Variants in NES observed in about 807,000 individuals in gnomAD.
The protein encoded by NES is nestin.
A neutral mutation model predicts 35.6 loss-of-function variants in NES; 27 were observed. The observed-to-expected ratio is 0.76, with a 90% CI of 0.56 to 1.04. The LOEUF (loss-of-function observed/expected upper bound fraction) is 1.04, where lower values mean the gene tolerates loss of function less well. Ranked by LOEUF, NES falls within the 50% of genes least tolerant of loss-of-function variation. The probability of loss-of-function intolerance (pLI) is 0.00; values close to 1 mark genes in which losing one functional copy is unlikely to be tolerated. For synonymous variants in NES, 822 were observed against 824.2 expected, an observed-to-expected ratio of 1.00 and a Z score of 0.04; for missense variants, 1,867 against 1,983.6, an observed-to-expected ratio of 0.94 and a Z score of 1.12.
At position 156,669,647 on chromosome 1, in the gene NES, G is replaced by C; in HGVS notation, c.4541C>G (p.Pro1514Arg). Residue 1514 changes from proline to arginine, a missense_variant, in exon 4 of 4, where the codon CCT becomes CGT. Transcript: ENST00000368223. ...CCCACTGGGGATCTCTAGAGGGCCA[G>C]GGACTTTGTCCTCCCTCTCCAAGGA... ...PVSLEREDKV[P>R]GPLEIPSGME... 2 of 1,614,096 alleles carry C rather than the reference G, an allele frequency of 1.2e-6. No homozygotes were observed. Among genetic ancestry groups the C allele is most frequent in the Non-Finnish European group, 1.7e-6 (2 of 1,179,994 alleles).
At chr1:156,675,411 C>T (rs1044036443) in intron 1 of NES, 71 bp from the exon 2 acceptor site, 7 of 1,500,790 alleles carry the variant, frequency 4.7e-6, no homozygotes, top group South Asian at 3.9e-5. Context: ...GCCTCCTGCC[C>T]GCTGCCGCTG....
chr1:156,675,823 C>T (rs999686978), intron 1 of NES, among the ~76,000 whole-genome samples: 2 of 152,164 alleles, frequency 1.3e-5, no homozygotes, highest in African/African-American at 2.4e-5. Flanking sequence ...AGGCTCTCAC[C>T]CCCGCCCCAC....
At position 156,671,659 on chromosome 1, in the gene NES, T is replaced by C. The variant is rs1282999267; in HGVS notation, c.2529A>G (p.Pro843=). 3.1e-6 allele frequency: 5 copies of C among 1,613,748 alleles called. No homozygotes were observed. Among genetic ancestry groups the C allele is most frequent in the Non-Finnish European group, 4.2e-6 (5 of 1,179,936 alleles). ...GQENLETLKS[P]ETQAPLWTPE... is the part of the protein sequence containing the mutation. ...GAGTCCACAGTGGTGCTTGAGTTTC[T>C]GGAGATTTCAGTGTTTCCAGGTTCT... is the stretch of plus-strand genomic sequence containing the variant. Residue 843 remains proline (P), a synonymous_variant, in exon 4 of 4, where the codon CCA becomes CCG. Transcript: ENST00000368223.
At chr1:156,673,809 A>C (rs1679787213) in intron 2 of NES, among the ~76,000 whole-genome samples, 1 of 150,338 alleles carries the variant, frequency 6.7e-6, no homozygotes. Flanking sequence ...TGCCCTACAC[A>C]CACCCACACA....
chr1:156,672,438 C>T lies in NES; in HGVS notation c.1750G>A (p.Glu584Lys). 1.9e-6 allele frequency: 3 copies of T among 1,611,628 alleles called. No homozygotes were observed. Among genetic ancestry groups the T allele is most frequent in the Non-Finnish European group, 2.5e-6 (3 of 1,179,506 alleles). The change falls in exon 4 of 4, where the codon GAA becomes AAA. Residue 584 changes from glutamate to lysine, a missense_variant. Transcript: ENST00000368223. ...TCCTTTTCTAGACTTTTTAGTGTTTCTAAGTCTTCTTCTAAAGACCTCGGA... is the reference window on the plus strand; with the variant it reads ...TCCTTTTCTAGACTTTTTAGTGTTTTTAAGTCTTCTTCTAAAGACCTCGGA... ...ECPRSLEEDL[E>K]TLKSLEKENK...
rs766102930 is a variant in NES, at chr1:156,671,746, G to A, written c.2442C>T (p.Ser814=). ...TTTCTAAAGATTTTACTGCCTCTACGCTCTCTTCTTTGAGTGACTTTAAGA... is the reference window on the plus strand; with the variant it reads ...TTTCTAAAGATTTTACTGCCTCTACACTCTCTTCTTTGAGTGACTTTAAGA... ...QEFLKSLKEE[S]VEAVKSLETE... The change falls in exon 4 of 4, where the codon AGC becomes AGT. Residue 814 remains serine (S), a synonymous_variant. Transcript: ENST00000368223. 15 of 1,613,932 alleles carry A rather than the reference G, an allele frequency of 9.3e-6. No homozygotes were observed. In the South Asian group the frequency reaches 1.3e-4, roughly 14 times the overall value.
chr1:156,675,810 A>C (rs1647269128), intron 1 of NES, among the ~76,000 whole-genome samples: 1 of 151,734 alleles, frequency 6.6e-6, no homozygotes, highest in South Asian at 2.1e-4. Context: ...TGCTCCTCAC[A>C]GCAGGCTCTC....
At position 156,671,628 on chromosome 1, in the gene NES, C is replaced by A; in HGVS notation, c.2560G>T (p.Glu854Ter). ...ETQAPLWTPEEINQGAMNPLE... is the reference protein window; with the variant it reads ...ETQAPLWTPE Reference sequence around the variant, plus strand: ...GGATTCATTGCCCCCTGATTTATTTCTTCTGGAGTCCACAGTGGTGCTTGA... The same window carrying A: ...GGATTCATTGCCCCCTGATTTATTTATTCTGGAGTCCACAGTGGTGCTTGA... Residue 854 changes from glutamate to a stop codon, truncating the protein, a stop_gained, in exon 4 of 4, where the codon GAA (glutamate) becomes TAA (stop). Coordinates refer to ENST00000368223, the MANE Select transcript of NES (RefSeq NM_006617.2). LOFTEE classifies it low-confidence loss of function (END_TRUNC). 1 of 1,614,002 alleles carries A rather than the reference C, an allele frequency of 6.2e-7. No individual in the cohort carries two copies. The highest frequency in any genetic ancestry group is 8.5e-7 in the Non-Finnish European group (1 of 1,180,034).
rs532804816 is a variant in NES, at chr1:156,675,424, C to T, written c.784-84G>A. 88 of 1,458,748 alleles carry T rather than the reference C, an allele frequency of 6.0e-5. 1 individual carries two copies. The South Asian group carries it at 7.4e-4, about 12-fold the overall frequency. The allele number at this position is 1,458,748 out of a possible 1,614,324, so 90.4% of individuals were successfully genotyped here. On this transcript the variant is annotated intron_variant, in intron 1 of 3. Transcript: ENST00000368223. ...CTGCCTCCTGCCCGCTGCCGCTGCCCGGGAAGCACCTCCTGCTCCCTGGCT... is the reference window on the plus strand; with the variant it reads ...CTGCCTCCTGCCCGCTGCCGCTGCCTGGGAAGCACCTCCTGCTCCCTGGCT...
At position 156,676,580 on chromosome 1, in the gene NES, G is replaced by A. The variant is rs1269823644; in HGVS notation, c.685C>T (p.Gln229Ter). The change falls in exon 1 of 4, where the codon CAG becomes TAG. Residue 229 changes from glutamine (Q) to a stop codon, truncating the protein, a stop_gained. Coordinates refer to ENST00000368223, the MANE Select transcript of NES (RefSeq NM_006617.2). LOFTEE classifies it high-confidence loss of function. This position sits in a 1 kb window ranked among gnomAD's most constrained non-coding sequence, Gnocchi z 5.3. The part of the protein sequence containing the change: ...REGRLELQQL[Q>*]AERGGLLERR... ...TCCAGGAGGCCTCCGCGCTCAGCCTGGAGCTGCTGCAGCTCCAGGCGGCCC... is the reference window on the plus strand; with the variant it reads ...TCCAGGAGGCCTCCGCGCTCAGCCTAGAGCTGCTGCAGCTCCAGGCGGCCC... 1.3e-6 allele frequency: 2 copies of A among 1,584,724 alleles called. No homozygotes were observed. The highest frequency in any genetic ancestry group is 3.4e-5 in the Admixed American group (2 of 58,380).
chr1:156,675,077 A>C (rs1647229010), intron 2 of NES, 139 bp downstream of exon 2: 2 of 1,095,740 alleles, frequency 1.8e-6, no homozygotes, highest in South Asian at 3.3e-5. Flanking sequence ...CCGGTGTGGA[A>C]GTGACCAGCC....
rs1647321139 is a variant in NES at position 156,677,030 on chromosome 1, C to T, written c.235G>A (p.Val79Met). The change falls in exon 1 of 4, where the codon GTG becomes ATG. Residue 79 changes from valine (V) to methionine (M), a missense_variant. Coordinates refer to ENST00000368223, the MANE Select transcript of NES (RefSeq NM_006617.2). This position sits in a 1 kb window ranked among gnomAD's most constrained non-coding sequence, Gnocchi z 4.5. ...TCTTCAGCCAGGTTGTCGCGCGCCA[C>T]CTCGGCCGCGTGCTTCTCCCGCCAG... ...QRWREKHAAE[V>M]ARDNLAEELE... 1 of 1,583,784 alleles carries T rather than the reference C, an allele frequency of 6.3e-7. No individual in the cohort carries two copies. The highest frequency in any genetic ancestry group is 8.6e-7 in the Non-Finnish European group (1 of 1,168,624).
At chr1:156,674,376 C>G (rs1217119948) in intron 2 of NES, among the ~76,000 whole-genome samples, 2 of 152,220 alleles carry the variant, frequency 1.3e-5, no homozygotes, top group African/African-American at 4.8e-5. Flanking sequence ...AGTGCTGCGG[C>G]CTTCCTTCTG....
chr1:156,669,250 G>A lies in NES; in HGVS notation c.*72C>T. ...AAGTTAAGAGTGCTGCTCCTGAGCA[G>A]GGAGCGGGCTTGGAGGCGTCCTTCC... On this transcript the variant is annotated 3_prime_UTR_variant, in exon 4 of 4. Transcript: ENST00000368223. 9.8e-7 allele frequency: 1 copy of A among 1,024,892 alleles called. No homozygotes were observed. The highest frequency in any genetic ancestry group is 1.7e-5 in the South Asian group (1 of 57,774). The allele number at this position is 1,024,892 out of a possible 1,614,324, so 63.5% of individuals were successfully genotyped here.
intron 1 of NES, among the ~76,000 whole-genome samples, chr1:156,675,928 T>C (rs1274007668): frequency 2.0e-5 from 3 of 152,202 alleles, no homozygotes; most frequent in Admixed American, 1.3e-4. Flanking sequence ...AAGAAGCTGT[T>C]TTCTCAGCTG....
In NES at chr1:156,673,075, A is replaced by C. The variant is rs762314657; in HGVS notation, c.1113T>G (p.Phe371Leu). 5.6e-6 allele frequency: 9 copies of C among 1,607,426 alleles called. No homozygotes were observed. The highest frequency in any genetic ancestry group is 3.3e-5 in the South Asian group (3 of 90,520). ...CCTGGAGGAATTCTTGGTTCTTAAG[A>C]AAGGCTGGCACAGGTGTCTCAAGGG... ...PATLETPVPA[F>L]LKNQEFLQAR... is the part of the protein sequence containing the mutation. The change falls in exon 4 of 4, where the codon TTT (phenylalanine) becomes TTG (leucine). Residue 371 changes from phenylalanine to leucine, a missense_variant. Coordinates refer to ENST00000368223, the MANE Select transcript of NES (RefSeq NM_006617.2).
At position 156,677,382 on chromosome 1, in the gene NES, GC is replaced by G; in HGVS notation, c.-119del. On this transcript the variant is annotated 5_prime_UTR_variant, in exon 1 of 4. Transcript: ENST00000368223. The surrounding 1 kb of genome is among the most constrained non-coding windows in gnomAD (Gnocchi z 4.5). ...CCGACGGGGACAATGACGGGGCGGG[GC>G]GGGGTGGGAGTAGCCTGAGCGACTG... 1.4e-6 allele frequency: 1 copy of G among 699,614 alleles called. No homozygotes were observed. The highest frequency in any genetic ancestry group is 2.4e-6 in the Non-Finnish European group (1 of 414,426). 43.3% of individuals were successfully genotyped at this position (699,614 alleles called of 1,614,324 possible). A position where few individuals can be genotyped will look rare whatever the true frequency, so the allele number is the denominator to read the frequency against.
At position 156,671,751 on chromosome 1, in the gene NES, CTTCT is replaced by C. The variant is rs753947246; in HGVS notation, c.2433_2436del (p.Glu812ArgfsTer3). 2 of 1,614,112 alleles carry C rather than the reference CTTCT, an allele frequency of 1.2e-6. No individual in the cohort carries two copies. Among genetic ancestry groups the C allele is most frequent in the Non-Finnish European group, 1.7e-6 (2 of 1,180,010 alleles). On this transcript the variant is annotated frameshift_variant, in exon 4 of 4. Transcript: ENST00000368223. LOFTEE classifies it low-confidence loss of function (END_TRUNC). ...AAAGATTTTACTGCCTCTACGCTCT[CTTCT>C]TTGAGTGACTTTAAGAACTCTTGAT...
Position 156,672,976 on chromosome 1 carries a change from C to T in NES, c.1212G>A (p.Glu404=). 6.2e-7 allele frequency: 1 copy of T among 1,614,070 alleles called. No homozygotes were observed. The highest frequency in any genetic ancestry group is 8.5e-7 in the Non-Finnish European group (1 of 1,180,010). Residue 404 remains glutamate, a synonymous_variant, in exon 4 of 4, where the codon GAG becomes GAA. Transcript: ENST00000368223. ...PQAPSPAVDA[E]IRAQDAPLSL... ...AGAGAGGAGCATCCTGGGCTCTGAT[C>T]TCTGCATCTACAGCAGGAGAGGGTG...
Sources: allele counts gnomAD v4.1 joint callset (sites outside exome capture counted in the v4.1 genomes callset), GRCh38; gene constraint gnomAD v4.1.1; non-coding constraint Gnocchi (gnomAD v3.1); transcripts MANE v1.5; gene names NCBI Gene and HGNC (gene_info 2026-07-23, HGNC 2026-07-21).